The following CLSTN2 variants were observed in gnomAD, a reference collection of about 807,000 sequenced individuals.
The protein encoded by CLSTN2 is calsyntenin-2.
In CLSTN2, 48 loss-of-function variants were observed where a neutral mutation model predicts 101.2. That is an observed-to-expected ratio of 0.47 (90% CI 0.38 to 0.60). CLSTN2 has a LOEUF of 0.60. Ranked by LOEUF, CLSTN2 falls within the 20% of genes least tolerant of loss-of-function variation. The probability of loss-of-function intolerance (pLI) is 0.00; values close to 1 mark genes in which losing one functional copy is unlikely to be tolerated. For missense variants in CLSTN2, 1,160 were observed against 1,238.2 expected, an observed-to-expected ratio of 0.94 and a Z score of 0.95; for synonymous variants, 481 against 463.6, an observed-to-expected ratio of 1.04 and a Z score of -0.48.
chr3:140,164,522 C>T (rs1023747975), intron 1 of CLSTN2, among the ~76,000 whole-genome samples: 4 of 152,240 alleles, frequency 2.6e-5, no homozygotes, highest in East Asian at 1.9e-4. Flanking sequence ...AGGCCTGGGA[C>T]GTTTGAAAGA....
intron 2 of CLSTN2, among the ~76,000 whole-genome samples, chr3:140,342,641 A>T (rs958648568): frequency 2.0e-5 from 3 of 152,170 alleles, no homozygotes; most frequent in African/African-American, 7.2e-5. Context: ...GGACTTTAGA[A>T]GAAACACAGC....
chr3:140,341,699 G>C (rs1484495206), intron 2 of CLSTN2, among the ~76,000 whole-genome samples: 2 of 152,050 alleles, frequency 1.3e-5, no homozygotes, highest in Non-Finnish European at 2.9e-5. Flanking sequence ...GTGGGCCCCC[G>C]GGGGCCCCAC....
chr3:139,969,740 G>A (rs1419096609), intron 1 of CLSTN2, among the ~76,000 whole-genome samples: 1 of 152,124 alleles, frequency 6.6e-6, no homozygotes, highest in African/African-American at 2.4e-5. Context: ...ACTCTTGGAG[G>A]AGGACCTGTG....
At chr3:139,951,012 T>C (rs2107810338) in intron 1 of CLSTN2, among the ~76,000 whole-genome samples, 1 of 152,352 alleles carries the variant, frequency 6.6e-6, no homozygotes, top group South Asian at 2.1e-4. Context: ...AGACAAAGCA[T>C]TCTTTGGCCT....
At chr3:140,032,238 C>CT (rs62708360) in intron 1 of CLSTN2, among the ~76,000 whole-genome samples, 104 of 143,372 alleles carry the variant, frequency 7.3e-4, no homozygotes, top group Middle Eastern at 3.8e-3. Context: ...CACATGTAAC[C>CT]TTTTTTTTTT....
At chr3:140,548,729 G>T (rs1040901668) in intron 10 of CLSTN2, among the ~76,000 whole-genome samples, 1 of 152,166 alleles carries the variant, frequency 6.6e-6, no homozygotes, top group African/African-American at 2.4e-5. Flanking sequence ...GATGGAAGGT[G>T]CCAGAGAGGT....
intron 4 of CLSTN2, among the ~76,000 whole-genome samples, chr3:140,419,817 ATATATACG>A: frequency 8.9e-5 from 4 of 45,110 alleles, no homozygotes; most frequent in African/African-American, 4.1e-4. Context: ...GTATATACGT[ATATATACG>A]TATATGTGTA....
chr3:140,051,922 G>A (rs867768127), intron 1 of CLSTN2, among the ~76,000 whole-genome samples: 2 of 152,216 alleles, frequency 1.3e-5, no homozygotes, highest in Non-Finnish European at 2.9e-5. Context: ...CTGGGGCAGA[G>A]CCTGAGAATC....
chr3:140,343,771 T>C (rs765850150), intron 2 of CLSTN2, among the ~76,000 whole-genome samples: 16 of 152,230 alleles, frequency 1.1e-4, no homozygotes, highest in Non-Finnish European at 1.9e-4. Flanking sequence ...TTGAAAGAGT[T>C]TCTAGGCTGT....
At chr3:140,306,707 G>A (rs2087117329) in intron 2 of CLSTN2, among the ~76,000 whole-genome samples, 1 of 152,014 alleles carries the variant, frequency 6.6e-6, no homozygotes, top group Non-Finnish European at 1.5e-5. Flanking sequence ...TTACTATTTT[G>A]AGTCTCTAGT....
intron 1 of CLSTN2, among the ~76,000 whole-genome samples, chr3:140,094,375 C>G (rs559029035): frequency 6.6e-6 from 1 of 152,296 alleles, no homozygotes; most frequent in South Asian, 2.1e-4. Flanking sequence ...TCTTCAAATT[C>G]TATAAAATCT....
intron 9 of CLSTN2, among the ~76,000 whole-genome samples, chr3:140,542,299 G>A (rs349557): frequency 0.054 from 8,144 of 152,214 alleles, 256 homozygotes; most frequent in Admixed American, 0.077. Flanking sequence ...TGAAGACCAT[G>A]GTTCACATCT....
chr3:140,065,284 G>A (rs1454474732), intron 1 of CLSTN2, among the ~76,000 whole-genome samples: 1 of 152,198 alleles, frequency 6.6e-6, no homozygotes, highest in African/African-American at 2.4e-5. Context: ...CCAATCCACA[G>A]CGTCCTGTCT....
chr3:140,084,473 T>G (rs1386290446), intron 1 of CLSTN2, among the ~76,000 whole-genome samples: 1 of 152,214 alleles, frequency 6.6e-6, no homozygotes, highest in East Asian at 1.9e-4. Flanking sequence ...TGTATGTAGA[T>G]ACGTATGCAT....
Position 140,322,097 on chromosome 3 carries a change from G to A in CLSTN2, c.233-81532G>A, listed in dbSNP as rs1207799922. Among the ~76,000 whole-genome samples, 3 of 152,204 alleles carry A rather than the reference G, an allele frequency of 2.0e-5. 1 individual carries two copies. The South Asian group carries it at 6.2e-4, about 31-fold the overall frequency. On this transcript the variant is annotated intron_variant, in intron 2 of 16. Transcript: ENST00000458420. ...CACCTTGCTCAGGGGCAGAGTGTTA[G>A]TCATAGCTCAGTTCCAGAACAAGCA...
chr3:140,131,589 C>T lies in CLSTN2; in HGVS notation c.110-44362C>T, dbSNP rs143545163. On this transcript the variant is annotated intron_variant, in intron 1 of 16. Coordinates refer to ENST00000458420, the MANE Select transcript of CLSTN2 (RefSeq NM_022131.3). ...TTGGTGGCAACAGGCAGACCTACTT[C>T]GGCTGATTTCTAGCCTGATTTTAAC... Among the ~76,000 whole-genome samples the T allele has an allele frequency of 7.1e-4, 108 of 152,220 alleles. No individual in the cohort carries two copies. In the East Asian group the frequency reaches 0.017, roughly 24 times the overall value.
intron 2 of CLSTN2, among the ~76,000 whole-genome samples, chr3:140,375,822 T>A (rs1253876213): frequency 6.6e-6 from 1 of 152,214 alleles, no homozygotes; most frequent in Non-Finnish European, 1.5e-5. Context: ...TTATTGTCTT[T>A]TTTGCTCTTT....
intron 4 of CLSTN2, among the ~76,000 whole-genome samples, chr3:140,408,604 A>G (rs1466675518): frequency 1.3e-5 from 2 of 151,828 alleles, no homozygotes; most frequent in Non-Finnish European, 2.9e-5. Flanking sequence ...GCCCCTCACA[A>G]TTTTTGCTGA....
chr3:140,434,883 T>C (rs2088671008), intron 5 of CLSTN2, among the ~76,000 whole-genome samples: 1 of 151,306 alleles, frequency 6.6e-6, no homozygotes, highest in African/African-American at 2.4e-5. Context: ...ATCTTGAATA[T>C]ATTTTTGTAT....
Sources: allele counts gnomAD v4.1 joint callset (sites outside exome capture counted in the v4.1 genomes callset), GRCh38; gene constraint gnomAD v4.1.1; transcripts MANE v1.5; gene names NCBI Gene and HGNC (gene_info 2026-07-23, HGNC 2026-07-21).